The following GPHN variants were observed in gnomAD, a reference collection of about 807,000 sequenced individuals.
The protein encoded by GPHN is gephyrin.
GPHN carries 17 observed loss-of-function variants against 95.5 expected under a neutral mutation model. The observed-to-expected ratio is 0.18, with a 90% CI of 0.12 to 0.27. GPHN has a LOEUF of 0.27. Among genes scored for constraint, GPHN ranks in the 10% least tolerant of loss-of-function variants. GPHN has a pLI of 1.00. For synonymous variants in GPHN, 320 were observed against 322.5 expected, an observed-to-expected ratio of 0.99 and a Z score of 0.08; for missense variants, 660 against 978.1, an observed-to-expected ratio of 0.67 and a Z score of 4.34.
chr14:66,872,028 C>T (rs2063460441), intron 4 of GPHN, among the ~76,000 whole-genome samples: 1 of 152,118 alleles, frequency 6.6e-6, no homozygotes, highest in Non-Finnish European at 1.5e-5. Context: ...AAAATGTCTC[C>T]CATTGTTAAA....
At chr14:67,646,538 G>A in the GPHN span, 6 of 847,898 alleles carry the variant, frequency 7.1e-6, no homozygotes, top group Non-Finnish European at 1.2e-5. Flanking sequence ...AACTTACCCT[G>A]TGGGTGGCAG....
At chr14:67,353,042 TATATAAAC>T in the GPHN span, 1 of 1,596,018 alleles carries the variant, frequency 6.3e-7, no homozygotes, top group Non-Finnish European at 8.5e-7. Flanking sequence ...GTCTGTGCCC[TATATAAAC>T]ATAAACAAAG....
At chr14:67,131,163 T>C (rs2079679450) in intron 17 of GPHN, among the ~76,000 whole-genome samples, 1 of 152,110 alleles carries the variant, frequency 6.6e-6, no homozygotes, top group South Asian at 2.1e-4. Context: ...CTTAGTAAGA[T>C]ATTGGTCATT....
At chr14:66,589,872 A>G (rs1595112739) in intron 1 of GPHN, among the ~76,000 whole-genome samples, 2 of 152,222 alleles carry the variant, frequency 1.3e-5, no homozygotes, top group South Asian at 4.1e-4. Context: ...AACCAACAGA[A>G]TATACATTCT....
chr14:66,748,371 T>A, intron 2 of GPHN, among the ~76,000 whole-genome samples: 1 of 152,036 alleles, frequency 6.6e-6, no homozygotes, highest in Non-Finnish European at 1.5e-5. Context: ...ATAGACTTTA[T>A]TTTTTGGCAG....
the GPHN span, chr14:67,541,989 ACAAGGTGAGTCCCTCAGAG>A: frequency 6.2e-7 from 1 of 1,604,558 alleles, no homozygotes; most frequent in Non-Finnish European, 8.5e-7. Context: ...CTGCTGGCTG[ACAAGGTGAGTCCCTCAGAG>A]CAGGGAGCTG....
At chr14:67,056,272 T>G (rs1044250347) in intron 10 of GPHN, among the ~76,000 whole-genome samples, 2 of 152,208 alleles carry the variant, frequency 1.3e-5, no homozygotes, top group Non-Finnish European at 2.9e-5. Flanking sequence ...TGCTGATTGG[T>G]GCATTTACAA....
At chr14:66,814,627 G>A (rs1461268247) in intron 3 of GPHN, among the ~76,000 whole-genome samples, 1 of 152,030 alleles carries the variant, frequency 6.6e-6, no homozygotes, top group Non-Finnish European at 1.5e-5. Context: ...AAACCCTCAA[G>A]GTTATCAAAT....
chr14:66,647,467 AATAC>A (rs2064817994), intron 1 of GPHN, among the ~76,000 whole-genome samples: 1 of 151,906 alleles, frequency 6.6e-6, no homozygotes, highest in African/African-American at 2.4e-5. Flanking sequence ...AGCAATTCAA[AATAC>A]AGTAGTCCCT....
At chr14:67,273,921 T>C in the GPHN span, among the ~76,000 whole-genome samples, 1 of 152,250 alleles carries the variant, frequency 6.6e-6, no homozygotes, top group Non-Finnish European at 1.5e-5. Context: ...GAATGTCTTC[T>C]TTTGAGAAGT....
chr14:66,518,505 G>A (rs932736055), intron 1 of GPHN, among the ~76,000 whole-genome samples: 5 of 152,082 alleles, frequency 3.3e-5, no homozygotes, highest in African/African-American at 1.2e-4. Context: ...CCAAAGAAAA[G>A]GAAATCAGTA....
intron 1 of GPHN, among the ~76,000 whole-genome samples, chr14:66,637,754 G>A (rs1277566181): frequency 6.6e-6 from 1 of 151,972 alleles, no homozygotes; most frequent in African/African-American, 2.4e-5. Context: ...TAGAATAATG[G>A]GAGCATGTTT....
chr14:67,608,601 G>A, the GPHN span, among the ~76,000 whole-genome samples: 10 of 152,166 alleles, frequency 6.6e-5, no homozygotes, highest in Non-Finnish European at 1.2e-4. Context: ...TTTTGATGCC[G>A]AATGAATCTG....
intron 21 of GPHN, among the ~76,000 whole-genome samples, chr14:67,177,128 T>G (rs1259806596): frequency 6.6e-6 from 1 of 152,206 alleles, no homozygotes; most frequent in African/African-American, 2.4e-5. Context: ...AGCTTTTGAA[T>G]TTATTTCCTC....
intron 1 of GPHN, among the ~76,000 whole-genome samples, chr14:66,547,710 T>A (rs2059653412): frequency 6.6e-6 from 1 of 152,214 alleles, no homozygotes; most frequent in African/African-American, 2.4e-5. Context: ...TTCGTGTTCA[T>A]TCTGGTAAGA....
the GPHN span, among the ~76,000 whole-genome samples, chr14:67,237,278 A>T: frequency 7.4e-3 from 1,124 of 152,230 alleles, 4 homozygotes; most frequent in Non-Finnish European, 9.5e-3. Context: ...AATTCTAAGT[A>T]CTAATTCACT....
At chr14:67,279,211 C>T in the GPHN span, 1 of 1,610,736 alleles carries the variant, frequency 6.2e-7, no homozygotes, top group Admixed American at 1.7e-5. Flanking sequence ...ACAGAGGAAT[C>T]AGACAGCGAA....
the GPHN span, among the ~76,000 whole-genome samples, chr14:67,221,176 A>G: frequency 6.6e-6 from 1 of 152,232 alleles, no homozygotes; most frequent in Non-Finnish European, 1.5e-5. Flanking sequence ...AGTGAAATCT[A>G]AAAAACTGCT....
intron 3 of GPHN, among the ~76,000 whole-genome samples, chr14:66,807,680 G>T (rs1243298487): frequency 6.6e-6 from 1 of 152,120 alleles, no homozygotes; most frequent in Non-Finnish European, 1.5e-5. Flanking sequence ...TCTAGCAAAT[G>T]AATTATCTTT....
Sources: gnomAD v4.1 joint callset for allele counts (sites outside exome capture counted in the v4.1 genomes callset) on GRCh38, gnomAD v4.1.1 for gene constraint, MANE v1.5 for transcripts, NCBI Gene and HGNC (gene_info 2026-07-23, HGNC 2026-07-21) for gene names.